FBLN2: variants seen among roughly 807,000 people sequenced by gnomAD.
FBLN2 encodes fibulin 2.
A neutral mutation model predicts 123.7 loss-of-function variants in FBLN2; 81 were observed. That is an observed-to-expected ratio of 0.65 (90% CI 0.55 to 0.79). The LOEUF is 0.79. Ranked by LOEUF, FBLN2 falls within the 30% of genes least tolerant of loss-of-function variation. FBLN2 has a pLI of 0.00. For missense variants in FBLN2, 1,603 were observed against 1,681.3 expected (o/e 0.95, Z 0.81); for synonymous variants, 699 against 701.4 (o/e 1.00, Z 0.05).
At chr3:13,553,058 C>T (rs73038992) in intron 1 of FBLN2, among the ~76,000 whole-genome samples, 3,487 of 152,200 alleles carry the variant, frequency 0.023, 78 homozygotes, top group African/African-American at 0.061. Flanking sequence ...CTGGAGGTGG[C>T]GCAGGCACTG....
intron 16 of FBLN2, among the ~76,000 whole-genome samples, chr3:13,634,996 G>A (rs1706407376): frequency 6.6e-6 from 1 of 152,160 alleles, no homozygotes; most frequent in East Asian, 1.9e-4. Context: ...GAGTCAGCTT[G>A]GCATCATGAC....
chr3:13,572,051 C>T lies in FBLN2; in HGVS notation c.1306+390C>T, dbSNP rs578005710. On this transcript the variant is annotated intron_variant, in intron 2 of 17. Transcript: ENST00000404922. ...AAGGGCGGTCTCTTCTCAGCTGCCC[C>T]GGTGGCTGGCCTGTGGCCTAGGAGC... 1.1e-3 allele frequency among the ~76,000 whole-genome samples: 173 copies of T among 152,320 alleles called. 1 individual carries two copies. Among genetic ancestry groups the T allele is most frequent in the African/African-American group, 3.7e-3 (152 of 41,554 alleles).
intron 16 of FBLN2, among the ~76,000 whole-genome samples, chr3:13,632,288 C>T (rs1291759332): frequency 6.6e-6 from 1 of 152,226 alleles, no homozygotes; most frequent in African/African-American, 2.4e-5. Context: ...TCCCTTGGCG[C>T]CGCAGAGCTC....
chr3:13,631,452 G>A lies in FBLN2; in HGVS notation c.3209G>A (p.Cys1070Tyr). 6.3e-7 allele frequency: 1 copy of A among 1,585,584 alleles called. No homozygotes were observed. The highest frequency in any genetic ancestry group is 8.6e-7 in the Non-Finnish European group (1 of 1,165,684). The change falls in exon 16 of 18, where the codon TGC (cysteine) becomes TAC (tyrosine). Residue 1070 changes from cysteine (C) to tyrosine (Y), a missense_variant. Coordinates refer to ENST00000404922, the MANE Select transcript of FBLN2 (RefSeq NM_001004019.2). The stretch of plus-strand genomic sequence containing the variant: ...ACCATGACGGCCAACGGGAGGTCCT[G>A]CAAGGGTGAGCAAGTCCCCCCACAC... ...GYTMTANGRS[C>Y]KDVDECALGT...
intron 2 of FBLN2, among the ~76,000 whole-genome samples, chr3:13,573,250 A>G (rs1704021475): frequency 6.6e-6 from 1 of 151,984 alleles, no homozygotes; most frequent in Non-Finnish European, 1.5e-5. Context: ...ATCAAGTTCA[A>G]TTCCCTCTGG....
chr3:13,579,985 C>G (rs544169207), intron 2 of FBLN2, among the ~76,000 whole-genome samples: 1 of 152,240 alleles, frequency 6.6e-6, no homozygotes, highest in African/African-American at 2.4e-5. Flanking sequence ...CTCTTGACTT[C>G]TAATGGCAGA....
At chr3:13,597,071 A>G (rs1427130676) in intron 2 of FBLN2, among the ~76,000 whole-genome samples, 1 of 152,142 alleles carries the variant, frequency 6.6e-6, no homozygotes, top group Non-Finnish European at 1.5e-5. Flanking sequence ...AGCTGGGACT[A>G]TAGGCACACA....
chr3:13,627,925 G>C lies in FBLN2; in HGVS notation c.2525G>C (p.Arg842Pro), dbSNP rs543602960. Residue 842 changes from arginine to proline, a missense_variant, in exon 11 of 18, where the codon CGC becomes CCC. Physicochemically the swap from Arg to Pro is moderately radical, Grantham distance 103. Transcript: ENST00000404922. ...KGSFYCQARQ[R>P]CMDGFLQDPE... ...TCCTTCTACTGCCAGGCCAGGCAGC[G>C]CTGCATGGATGGCTTCCTGCAGGAT... The C allele has an allele frequency of 2.5e-6, 4 of 1,613,660 alleles. No individual in the cohort carries two copies. Among genetic ancestry groups the C allele is most frequent in the African/African-American group, 1.3e-5 (1 of 74,930 alleles).
intron 2 of FBLN2, among the ~76,000 whole-genome samples, chr3:13,577,282 C>T (rs925254597): frequency 1.3e-5 from 2 of 151,786 alleles, no homozygotes; most frequent in African/African-American, 4.8e-5. Flanking sequence ...GGAGTCCTCC[C>T]TGGGGCGGTG....
intron 2 of FBLN2, among the ~76,000 whole-genome samples, chr3:13,594,177 T>TG (rs1355405223): frequency 6.6e-6 from 1 of 151,968 alleles, no homozygotes; most frequent in African/African-American, 2.4e-5. Context: ...CCCCAGTGGG[T>TG]GGGTAGGATA....
At chr3:13,627,811 C>T (rs1176340548) in intron 10 of FBLN2, 21 bp from the exon 11 acceptor site, 1 of 1,607,050 alleles carries the variant, frequency 6.2e-7, no homozygotes, top group Non-Finnish European at 8.5e-7. Context: ...CAGCCCTTGA[C>T]ACCCAGCCTC....
chr3:13,568,018 A>G (rs1303848283), intron 1 of FBLN2, among the ~76,000 whole-genome samples: 1 of 152,124 alleles, frequency 6.6e-6, no homozygotes, highest in Non-Finnish European at 1.5e-5. Context: ...TGCAGTCTGG[A>G]GGGTCCTTGC....
chr3:13,564,029 G>C (rs969805797), intron 1 of FBLN2, among the ~76,000 whole-genome samples: 3 of 152,190 alleles, frequency 2.0e-5, no homozygotes, highest in African/African-American at 7.2e-5. Flanking sequence ...GGGAAGCCCT[G>C]TTGCTGGGCC....
chr3:13,626,652 C>A, intron 10 of FBLN2, 73 bp downstream of exon 10: 1 of 1,445,910 alleles, frequency 6.9e-7, no homozygotes, highest in Non-Finnish European at 9.3e-7. Flanking sequence ...TCCCTGGTCC[C>A]ACCCCTGTCC....
Position 13,629,242 on chromosome 3 carries a change from G to A in FBLN2, c.2792G>A (p.Cys931Tyr), listed in dbSNP as rs1361378598. The A allele has an allele frequency of 1.2e-6, 2 of 1,613,166 alleles. No homozygotes were observed. The highest frequency in any genetic ancestry group is 1.3e-5 in the African/African-American group (1 of 75,058). Residue 931 changes from cysteine (C) to tyrosine (Y), a missense_variant, in exon 13 of 18, where the codon TGT (cysteine) becomes TAT (tyrosine). Physicochemically the swap from Cys to Tyr is radical, Grantham distance 194. Transcript: ENST00000404922. ...CACAACCTCCCTGGCTCCTACCGCT[G>A]TGACTGCAAAGCCGGCTTTCAGCGG... ...VCHNLPGSYRCDCKAGFQRDA... is the reference protein window; with the variant it reads ...VCHNLPGSYRYDCKAGFQRDA...
chr3:13,609,437 C>T lies in FBLN2; in HGVS notation c.1419-76C>T. 1.0e-5 allele frequency: 15 copies of T among 1,462,244 alleles called. No individual in the cohort carries two copies. In the South Asian group the frequency reaches 2.0e-4, roughly 20 times the overall value. 90.6% of individuals were successfully genotyped at this position (1,462,244 alleles called of 1,614,324 possible). A position where few individuals can be genotyped will look rare whatever the true frequency, so the allele number is the denominator to read the frequency against. On this transcript the variant is annotated intron_variant, in intron 3 of 17. Transcript: ENST00000404922. ...GTGGACCTTGGGCAGAGCTTCCCTC[C>T]TCTGAGCCTCACTCACTTTCCACTC...
chr3:13,622,815 C>G (rs988879997), intron 9 of FBLN2, among the ~76,000 whole-genome samples: 1 of 152,222 alleles, frequency 6.6e-6, no homozygotes, highest in East Asian at 1.9e-4. Flanking sequence ...CCCAAAGTAG[C>G]TGGGACTCAG....
At chr3:13,555,941 C>G (rs922685772) in intron 1 of FBLN2, among the ~76,000 whole-genome samples, 1 of 152,182 alleles carries the variant, frequency 6.6e-6, no homozygotes. Context: ...CATCTCTATC[C>G]CTGCCCAGGA....
chr3:13,572,873 TG>T (rs921543934), intron 2 of FBLN2, among the ~76,000 whole-genome samples: 21 of 152,294 alleles, frequency 1.4e-4, no homozygotes, highest in Admixed American at 1.1e-3. Context: ...TCACAAGAGC[TG>T]GGGGCTTGCA....
Sources: gnomAD v4.1 joint callset for allele counts (sites outside exome capture counted in the v4.1 genomes callset) on GRCh38, gnomAD v4.1.1 for gene constraint, MANE v1.5 for transcripts, NCBI Gene and HGNC (gene_info 2026-07-23, HGNC 2026-07-21) for gene names.